Variants in SGSM1 observed in about 807,000 individuals in gnomAD.
SGSM1 encodes small G protein signaling modulator 1, also known as RUN and TBC1 domain containing 2.
SGSM1 carries 73 observed loss-of-function variants against 133.8 expected under a neutral mutation model. The observed-to-expected ratio is 0.55, with a 90% CI of 0.45 to 0.66. The LOEUF (loss-of-function observed/expected upper bound fraction) is 0.66, where lower values mean the gene tolerates loss of function less well. Among genes scored for constraint, SGSM1 ranks in the 30% least tolerant of loss-of-function variants. The probability of loss-of-function intolerance (pLI) is 0.00; values close to 1 mark genes in which losing one functional copy is unlikely to be tolerated. For synonymous variants in SGSM1, 563 were observed against 573.0 expected (o/e 0.98, Z 0.25); for missense variants, 1,213 against 1,448.1 (o/e 0.84, Z 2.64).
chr22:24,845,314 A>AG (rs1364216476), intron 3 of SGSM1, among the ~76,000 whole-genome samples: 4 of 152,102 alleles, frequency 2.6e-5, no homozygotes, highest in Admixed American at 2.6e-4. Flanking sequence ...GGGAGAGGGT[A>AG]GATGGGGACT....
chr22:24,806,624 A>C, intron 2 of SGSM1, 140 bp downstream of exon 2: 4 of 1,017,448 alleles, frequency 3.9e-6, no homozygotes, highest in Non-Finnish European at 5.4e-6. Context: ...GTGGGCATTG[A>C]CCTCCCGCAG....
At chr22:24,923,086 C>T (rs988442599) in intron 24 of SGSM1, among the ~76,000 whole-genome samples, 28 of 151,924 alleles carry the variant, frequency 1.8e-4, no homozygotes, top group African/African-American at 6.8e-4. Context: ...TATAGTGAGT[C>T]GAGATCACAC....
intron 20 of SGSM1, among the ~76,000 whole-genome samples, chr22:24,903,662 A>AG (rs1933247012): frequency 7.8e-6 from 1 of 127,660 alleles, no homozygotes; most frequent in Admixed American, 7.7e-5. Context: ...AGTGGTGGTG[A>AG]CCTTTGAGAT....
chr22:24,839,932 CTTTTTTTT>C, intron 2 of SGSM1, among the ~76,000 whole-genome samples: 1 of 106,480 alleles, frequency 9.4e-6, no homozygotes, highest in Non-Finnish European at 1.8e-5. Flanking sequence ...AACCATCTCT[CTTTTTTTT>C]TTTTTTTTTT....
In SGSM1 at chr22:24,879,463, GCT is replaced by G; in HGVS notation, c.1434_1435del (p.Leu480GlufsTer5). 1 of 1,613,582 alleles carries G rather than the reference GCT, an allele frequency of 6.2e-7. No individual in the cohort carries two copies. Among genetic ancestry groups the G allele is most frequent in the South Asian group, 1.1e-5 (1 of 90,892 alleles). ...SSTNGCNHERAPLKLLCDNMK... is the reference protein window; with the variant it reads ...SSTNGCNHERXPLKLLCDNMK... ...ATCTCCCTCTTTCTCCACCTGCAGG[GCT>G]CCCCTGAAACTTCTCTGTGACAATA... On this transcript the variant is annotated frameshift_variant and splice_region_variant, in exon 14 of 25. Coordinates refer to ENST00000400358, the MANE Select transcript of SGSM1 (RefSeq NM_001098497.3). LOFTEE classifies it high-confidence loss of function.
chr22:24,860,190 G>A (rs1256119248), intron 9 of SGSM1, among the ~76,000 whole-genome samples: 4 of 152,174 alleles, frequency 2.6e-5, no homozygotes, highest in Non-Finnish European at 5.9e-5. Context: ...AATAAAAAGG[G>A]AAGGCAGGAG....
At chr22:24,852,011 G>A (rs1193653925) in intron 5 of SGSM1, among the ~76,000 whole-genome samples, 1 of 152,194 alleles carries the variant, frequency 6.6e-6, no homozygotes, top group East Asian at 1.9e-4. Context: ...CATATGACCT[G>A]CTGATTAAGT....
rs770876563 is a variant in SGSM1, at chr22:24,919,921, C to G, written c.3121C>G (p.Leu1041Val). Reference sequence around the variant, plus strand: ...CTACGTCCTGTTCATTGCGCTGGCTCTGGTGGAAGTCTACCGTGACATCAT... The same window carrying G: ...CTACGTCCTGTTCATTGCGCTGGCTGTGGTGGAAGTCTACCGTGACATCAT... ...AHYVLFIALA[L>V]VEVYRDIILE... is the part of the protein sequence containing the mutation. Residue 1041 changes from leucine (L) to valine (V), a missense_variant, in exon 24 of 25, where the codon CTG becomes GTG. Transcript: ENST00000400358. 1 of 1,614,006 alleles carries G rather than the reference C, an allele frequency of 6.2e-7. No individual in the cohort carries two copies. Among genetic ancestry groups the G allele is most frequent in the East Asian group, 2.2e-5 (1 of 44,882 alleles).
rs909135288 is a variant in SGSM1, at chr22:24,812,778, T to G, written c.63+6294T>G. On this transcript the variant is annotated intron_variant, in intron 2 of 24. Coordinates refer to ENST00000400358, the MANE Select transcript of SGSM1 (RefSeq NM_001098497.3). ...AAGAAAACTTTCTCCCTCCCTCTGT[T>G]ATTTTCTTTCTCCCCCACTTCCGTT... Among the ~76,000 whole-genome samples, 79 of 152,132 alleles carry G rather than the reference T, an allele frequency of 5.2e-4. 1 individual carries two copies. The highest frequency in any genetic ancestry group is 1.9e-4 in the Non-Finnish European group (13 of 68,030).
chr22:24,835,419 TGA>T (rs1228016829), intron 2 of SGSM1, among the ~76,000 whole-genome samples: 1 of 152,150 alleles, frequency 6.6e-6, no homozygotes, highest in Non-Finnish European at 1.5e-5. Context: ...GATGGCAGGA[TGA>T]ATTCCTGACC....
intron 14 of SGSM1, among the ~76,000 whole-genome samples, chr22:24,880,543 A>G (rs1475093915): frequency 6.6e-6 from 1 of 152,190 alleles, no homozygotes; most frequent in African/African-American, 2.4e-5. Context: ...TACAACCTGC[A>G]TGGGTCTGTG....
At chr22:24,896,334 A>G (rs1264690043) in intron 18 of SGSM1, among the ~76,000 whole-genome samples, 3 of 152,210 alleles carry the variant, frequency 2.0e-5, no homozygotes, top group African/African-American at 4.8e-5. Flanking sequence ...ATTAAAATCA[A>G]TTGAATCAAA....
chr22:24,858,284 A>C (rs543364945), intron 8 of SGSM1, among the ~76,000 whole-genome samples: 12 of 152,254 alleles, frequency 7.9e-5, no homozygotes, highest in African/African-American at 2.9e-4. Flanking sequence ...CCAGCCTGTG[A>C]TGGTTCTTAA....
chr22:24,815,094 T>C (rs1927987985), intron 2 of SGSM1, among the ~76,000 whole-genome samples: 1 of 152,246 alleles, frequency 6.6e-6, no homozygotes, highest in Non-Finnish European at 1.5e-5. Context: ...GAAGATGAGA[T>C]GAATAGATTT....
chr22:24,892,453 G>GA (rs1424618679), intron 16 of SGSM1, among the ~76,000 whole-genome samples: 2 of 152,168 alleles, frequency 1.3e-5, no homozygotes, highest in Non-Finnish European at 2.9e-5. Context: ...ATCCCACAAG[G>GA]AAAAAGCTGG....
intron 2 of SGSM1, among the ~76,000 whole-genome samples, chr22:24,816,171 A>G (rs541632533): frequency 1.3e-5 from 2 of 152,296 alleles, no homozygotes; most frequent in East Asian, 3.9e-4. Context: ...AATCCACAAA[A>G]CAACCTTCCT....
At chr22:24,832,458 A>G (rs1451840342) in intron 2 of SGSM1, among the ~76,000 whole-genome samples, 2 of 152,224 alleles carry the variant, frequency 1.3e-5, no homozygotes, top group Non-Finnish European at 2.9e-5. Context: ...GACCTTGGGC[A>G]TGTTACTTAA....
At chr22:24,866,763 C>T (rs1033215683) in intron 9 of SGSM1, among the ~76,000 whole-genome samples, 2 of 152,160 alleles carry the variant, frequency 1.3e-5, no homozygotes, top group East Asian at 3.8e-4. Flanking sequence ...GGAGTCAGTC[C>T]TGCACTGAAC....
chr22:24,850,769 G>A (rs983566118), intron 5 of SGSM1, among the ~76,000 whole-genome samples: 1 of 152,344 alleles, frequency 6.6e-6, no homozygotes, highest in South Asian at 2.1e-4. Context: ...CCAGAGAAGT[G>A]AGAAGGGAAT....
Sources: allele counts gnomAD v4.1 joint callset (sites outside exome capture counted in the v4.1 genomes callset), GRCh38; gene constraint gnomAD v4.1.1; transcripts MANE v1.5; gene names NCBI Gene and HGNC (gene_info 2026-07-23, HGNC 2026-07-21).